SF1: variants seen among roughly 807,000 people sequenced by gnomAD.
SF1 encodes the protein branch point-binding protein.
SF1 carries 7 observed loss-of-function variants against 62.5 expected under a neutral mutation model. The ratio of observed to expected loss-of-function variants is 0.11; its 90% CI spans 0.06 to 0.21. The LOEUF (loss-of-function observed/expected upper bound fraction) is 0.21, where lower values mean the gene tolerates loss of function less well. Among genes scored for constraint, SF1 ranks in the 10% least tolerant of loss-of-function variants. SF1 has a pLI of 1.00. For synonymous variants in SF1, 394 were observed against 323.6 expected (o/e 1.22, Z -2.33); for missense variants, 578 against 884.0 (o/e 0.65, Z 4.39).
Position 64,778,468 on chromosome 11 carries a change from G to T in SF1, c.-76C>A. On this transcript the variant is annotated 5_prime_UTR_variant, in exon 1 of 13. Coordinates refer to ENST00000377390, the MANE Select transcript of SF1 (RefSeq NM_004630.4). ...CTCCTTCGCAAGCCTCCCGGGGGGA[G>T]GGGACCCGAATGCGCTGCCGGAGCG... The T allele has an allele frequency of 8.3e-7, 1 of 1,210,326 alleles. No individual in the cohort carries two copies. Among genetic ancestry groups the T allele is most frequent in the Admixed American group, 4.4e-5 (1 of 22,880 alleles). The allele number at this position is 1,210,326 out of a possible 1,614,324, so 75.0% of individuals were successfully genotyped here. A position where few individuals can be genotyped will look rare whatever the true frequency, so the allele number is the denominator to read the frequency against.
chr11:64,768,997 G>C, intron 8 of SF1, 25 bp downstream of exon 8: 2 of 1,534,270 alleles, frequency 1.3e-6, no homozygotes, highest in Non-Finnish European at 1.8e-6. Flanking sequence ...AGGCTACCAG[G>C]AAACCGCAAG....
In SF1 at chr11:64,776,625, G is replaced by T; in HGVS notation, c.33C>A (p.Asp11Glu). The change falls in exon 2 of 13, where the codon GAC (aspartate) becomes GAA (glutamate). Residue 11 changes from aspartate (D) to glutamate (E), a missense_variant and splice_region_variant. Transcript: ENST00000377390. ...TCCTCTTCCGCTTCTTACTTGGGAA[G>T]TCTAAAAGGCAGAGACAAAATCCAT... MATGANATPL[D>E]FPSKKRKRSR... 6.2e-7 allele frequency: 1 copy of T among 1,603,394 alleles called. No homozygotes were observed. Among genetic ancestry groups the T allele is most frequent in the South Asian group, 1.1e-5 (1 of 88,596 alleles).
At chr11:64,776,919 G>C (rs948105962) in intron 1 of SF1, among the ~76,000 whole-genome samples, 2 of 152,230 alleles carry the variant, frequency 1.3e-5, no homozygotes, top group Non-Finnish European at 2.9e-5. Flanking sequence ...TGGCTGCAGA[G>C]AGTGTTAGAT....
chr11:64,772,579 CAA>C lies in SF1; in HGVS notation c.236+849_236+850del, dbSNP rs1269889533. ...AAACCAAAAACACTACTTTTTAAAG[CAA>C]AGTCTTTTCAACTATTCTGTATGTA... On this transcript the variant is annotated intron_variant, in intron 3 of 12. Coordinates refer to ENST00000377390, the MANE Select transcript of SF1 (RefSeq NM_004630.4). 6 of 985,054 alleles carry C rather than the reference CAA, an allele frequency of 6.1e-6. No individual in the cohort carries two copies. The African/African-American group carries it at 8.7e-5, about 14-fold the overall frequency. 61.0% of individuals were successfully genotyped at this position (985,054 alleles called of 1,614,324 possible). A position where few individuals can be genotyped will look rare whatever the true frequency, so the allele number is the denominator to read the frequency against.
chr11:64,768,404 C>T, intron 8 of SF1, 118 bp from the exon 9 acceptor site: 3 of 916,142 alleles, frequency 3.3e-6, no homozygotes, highest in South Asian at 2.9e-5. Flanking sequence ...CAGATCATCA[C>T]ACATCTTTCT....
rs746131958 is a variant in SF1 at position 64,765,703 on chromosome 11, GCA to G, written c.*113_*114del. 2.0e-6 allele frequency: 3 copies of G among 1,465,756 alleles called. No homozygotes were observed. The highest frequency in any genetic ancestry group is 2.7e-6 in the Non-Finnish European group (3 of 1,111,062). The allele number at this position is 1,465,756 out of a possible 1,614,324, so 90.8% of individuals were successfully genotyped here. A position where few individuals can be genotyped will look rare whatever the true frequency, so the allele number is the denominator to read the frequency against. On this transcript the variant is annotated 3_prime_UTR_variant, in exon 13 of 13. Transcript: ENST00000377390. ...AGTGCGTGCACACACACACATGCGT[GCA>G]CACACAATCACATGCGTGCGTCCCA...
chr11:64,777,377 G>A (rs902944872), intron 1 of SF1: 3 of 432,934 alleles, frequency 6.9e-6, no homozygotes, highest in African/African-American at 4.3e-5. Flanking sequence ...AAGCGACAGG[G>A]CAGCCGATCA....
intron 1 of SF1, among the ~76,000 whole-genome samples, chr11:64,777,319 T>C (rs1248760114): frequency 6.6e-6 from 1 of 152,162 alleles, no homozygotes; most frequent in Admixed American, 6.5e-5. Context: ...AAAGAGTCCT[T>C]CTATTTCCCA....
intron 12 of SF1, chr11:64,766,382 C>T: frequency 1.8e-6 from 1 of 565,580 alleles, no homozygotes; most frequent in Non-Finnish European, 3.1e-6. Context: ...CCTTTGTCAC[C>T]AATGCCCCTG....
rs1939796113 is a variant in SF1, at chr11:64,778,513, C to CG, written c.-122dup. Reference sequence around the variant, plus strand: ...GGAGCGCGCGGAGCCCGTCCTCTCACGCGGCGGGCGGCGGCGGCGCGAGAC... The same window carrying CG: ...GGAGCGCGCGGAGCCCGTCCTCTCACGGCGGCGGGCGGCGGCGGCGCGAGAC... On this transcript the variant is annotated 5_prime_UTR_variant, in exon 1 of 13. Transcript: ENST00000377390. The CG allele has an allele frequency of 8.7e-7, 1 of 1,155,724 alleles. No individual in the cohort carries two copies. Among genetic ancestry groups the CG allele is most frequent in the African/African-American group, 1.7e-5 (1 of 59,732 alleles). 71.6% of individuals were successfully genotyped at this position (1,155,724 alleles called of 1,614,324 possible).
At chr11:64,772,607 C>T (rs994553269) in intron 3 of SF1, 3 of 985,034 alleles carry the variant, frequency 3.0e-6, no homozygotes, top group Non-Finnish European at 3.6e-6. Context: ...TCTGTATGTA[C>T]TAAGAGAAAA....
intron 12 of SF1, 45 bp downstream of exon 12, chr11:64,766,855 A>ACG: frequency 1.9e-6 from 1 of 528,762 alleles, no homozygotes; most frequent in Non-Finnish European, 3.4e-6. Flanking sequence ...TGTCAGCCCC[A>ACG]CCCCCATCCC....
chr11:64,772,841 C>T, intron 3 of SF1: 2 of 985,368 alleles, frequency 2.0e-6, no homozygotes, highest in Non-Finnish European at 1.2e-6. Flanking sequence ...TGCATGCCTT[C>T]CCAAAATAGG....
Position 64,767,650 on chromosome 11 carries a change from T to C in SF1, c.1263A>G (p.Pro421=). Residue 421 remains proline, a synonymous_variant, in exon 10 of 13, where the codon CCA becomes CCG. Coordinates refer to ENST00000377390, the MANE Select transcript of SF1 (RefSeq NM_004630.4). ...GTGGTGGTGGCTGCATCCAAGGGGG[T>C]GGGGGTCCATTGGGGTTGTGCTGCA... The part of the protein sequence containing the change: ...HPMQHNPNGP[P]PPWMQPPPPP... 4.4e-6 allele frequency: 7 copies of C among 1,597,618 alleles called. No individual in the cohort carries two copies. Among genetic ancestry groups the C allele is most frequent in the Non-Finnish European group, 6.0e-6 (7 of 1,170,968 alleles).
At position 64,769,356 on chromosome 11, in the gene SF1, G is replaced by C. The variant is rs1565565629; in HGVS notation, c.664-18C>G. 2 of 1,613,664 alleles carry C rather than the reference G, an allele frequency of 1.2e-6. No homozygotes were observed. The highest frequency in any genetic ancestry group is 1.7e-6 in the Non-Finnish European group (2 of 1,179,554). The stretch of plus-strand genomic sequence containing the variant: ...TTTCTTATCTAGTGAAAATGCAATG[G>C]ACAGTTAAGTGCTTAGGGCCTCCAC... On this transcript the variant is annotated intron_variant, in intron 6 of 12. Coordinates refer to ENST00000377390, the MANE Select transcript of SF1 (RefSeq NM_004630.4).
chr11:64,768,366 T>C (rs1392287372), intron 8 of SF1, 80 bp from the exon 9 acceptor site: 3 of 1,347,190 alleles, frequency 2.2e-6, no homozygotes, highest in African/African-American at 2.9e-5. Flanking sequence ...GGAACCAACA[T>C]ATGGAAAGTT....
intron 3 of SF1, chr11:64,773,096 G>C: frequency 8.7e-7 from 1 of 1,155,436 alleles, no homozygotes; most frequent in Non-Finnish European, 1.1e-6. Context: ...TGGGCTTTTG[G>C]CCAAAGCAGG....
intron 3 of SF1, chr11:64,772,931 T>G: frequency 3.0e-6 from 3 of 986,976 alleles, no homozygotes; most frequent in Non-Finnish European, 3.6e-6. Flanking sequence ...AGAAGTTGGT[T>G]AGAAATCTCA....
chr11:64,772,497 A>T, intron 3 of SF1: 1 of 984,980 alleles, frequency 1.0e-6, no homozygotes, highest in Non-Finnish European at 1.2e-6. Flanking sequence ...TGAGTGAGTG[A>T]CTTCTAAAGC....
Sources: gnomAD v4.1 joint callset for allele counts (sites outside exome capture counted in the v4.1 genomes callset) on GRCh38, gnomAD v4.1.1 for gene constraint, MANE v1.5 for transcripts, NCBI Gene and HGNC (gene_info 2026-07-23, HGNC 2026-07-21) for gene names.